The following ADGRL1 variants were observed in gnomAD, a reference collection of about 807,000 sequenced individuals.
ADGRL1 encodes adhesion G protein-coupled receptor L1, also known as CIRL-1.
Under a neutral mutation model 148.9 loss-of-function variants are expected in ADGRL1, and 31 were observed. That is an observed-to-expected ratio of 0.21 (90% CI 0.16 to 0.28). The LOEUF (loss-of-function observed/expected upper bound fraction) is 0.28. Among genes scored for constraint, ADGRL1 ranks in the 10% least tolerant of loss-of-function variants. ADGRL1 has a pLI of 1.00. For synonymous variants in ADGRL1, 937 were observed against 900.3 expected (o/e 1.04, Z -0.73); for missense variants, 1,521 against 2,058.8 (o/e 0.74, Z 5.05).
At chr19:14,186,477 C>A (rs368215654) in intron 1 of ADGRL1, among the ~76,000 whole-genome samples, 134 of 152,252 alleles carry the variant, frequency 8.8e-4, no homozygotes, top group African/African-American at 3.0e-3. Flanking sequence ...TCCCTGTCAT[C>A]CCCCTCACGG....
In ADGRL1 at chr19:14,164,163, G is replaced by A. The variant is rs540474784; in HGVS notation, c.395-757C>T. Among the ~76,000 whole-genome samples, 38 of 152,146 alleles carry A rather than the reference G, an allele frequency of 2.5e-4. No individual in the cohort carries two copies. The East Asian group carries it at 7.0e-3, about 28-fold the overall frequency. Reference sequence around the variant, plus strand: ...ATTCCCAGAGGCAGCTCCCAGGCTAGGACGGGGAATGAAAGAGTCTGGCCC... The same window carrying A: ...ATTCCCAGAGGCAGCTCCCAGGCTAAGACGGGGAATGAAAGAGTCTGGCCC... On this transcript the variant is annotated intron_variant, in intron 4 of 22. Transcript: ENST00000361434.
intron 18 of ADGRL1, among the ~76,000 whole-genome samples, chr19:14,154,264 G>T (rs1398000075): frequency 6.6e-6 from 1 of 152,154 alleles, no homozygotes; most frequent in Admixed American, 6.5e-5. Flanking sequence ...GGATTCTCAT[G>T]ATCACTGCCT....
intron 2 of ADGRL1, among the ~76,000 whole-genome samples, chr19:14,182,577 G>C (rs1457335425): frequency 2.0e-5 from 3 of 152,138 alleles, no homozygotes; most frequent in Non-Finnish European, 1.5e-5. Flanking sequence ...GAGTCCCAGC[G>C]GGGGGAACAT....
chr19:14,165,018 G>A (rs181235608), intron 4 of ADGRL1, among the ~76,000 whole-genome samples: 1 of 152,200 alleles, frequency 6.6e-6, no homozygotes, highest in African/African-American at 2.4e-5. Flanking sequence ...GGGATCGGGG[G>A]GCTGGGACCT....
At position 14,150,043 on chromosome 19, in the gene ADGRL1, G is replaced by A. The variant is rs937918758; in HGVS notation, c.*830C>T. ...CCCCCTAGGGAAAGATCCAAGCCCA[G>A]GACCCACTCCCCAGGGAGATCCAGA... On this transcript the variant is annotated 3_prime_UTR_variant, in exon 23 of 23. Transcript: ENST00000361434. 1.3e-5 allele frequency: 2 copies of A among 151,372 alleles called. No homozygotes were observed. Among genetic ancestry groups the A allele is most frequent in the Non-Finnish European group, 2.9e-5 (2 of 68,010 alleles). 9.4% of individuals were successfully genotyped at this position (151,372 alleles called of 1,614,324 possible).
intron 1 of ADGRL1, among the ~76,000 whole-genome samples, chr19:14,201,250 C>T (rs1475031242): frequency 2.1e-5 from 3 of 145,440 alleles, no homozygotes; most frequent in East Asian, 2.0e-4. Flanking sequence ...TTGTGACCTG[C>T]AGGGTATTTT....
At position 14,159,408 on chromosome 19, in the gene ADGRL1, C is replaced by A; in HGVS notation, c.2016G>T (p.Glu672Asp). 6.2e-7 allele frequency: 1 copy of A among 1,608,584 alleles called. No individual in the cohort carries two copies. The highest frequency in any genetic ancestry group is 8.5e-7 in the Non-Finnish European group (1 of 1,176,622). ...GGTGACTGTGGCACTCACCCACGTT[C>A]TCCTTGGCAGCCAGGAAGCGGGCAG... ...REPARFLAAK[E>D]NVVLEVTVLN... is the part of the protein sequence containing the mutation. Residue 672 changes from glutamate (E) to aspartate (D), a missense_variant, in exon 10 of 23, where the codon GAG (glutamate) becomes GAT (aspartate). Glu to Asp is a conservative substitution (Grantham distance 45). Around this residue, in one of 8 missense-constraint regions of ADGRL1, gnomAD observed 265 missense variants for 431.9 expected, o/e 0.61. Transcript: ENST00000361434. This position sits in a 1 kb window ranked among gnomAD's most constrained non-coding sequence, Gnocchi z 6.0.
In ADGRL1 at chr19:14,150,785, G is replaced by A. The variant is rs1968080591; in HGVS notation, c.*88C>T. ...TGGAGAGAGTGGCCCACCAGCCACTGCCTCCATCTGTCTCCCTCTCCCACC... is the reference window on the plus strand; with the variant it reads ...TGGAGAGAGTGGCCCACCAGCCACTACCTCCATCTGTCTCCCTCTCCCACC... On this transcript the variant is annotated 3_prime_UTR_variant, in exon 23 of 23. Transcript: ENST00000361434. 1 of 1,482,714 alleles carries A rather than the reference G, an allele frequency of 6.7e-7. No individual in the cohort carries two copies. Among genetic ancestry groups the A allele is most frequent in the South Asian group, 1.3e-5 (1 of 79,606 alleles). The allele number at this position is 1,482,714 out of a possible 1,614,324, so 91.8% of individuals were successfully genotyped here.
chr19:14,167,330 A>C (rs1568595316), intron 4 of ADGRL1, among the ~76,000 whole-genome samples: 1 of 142,868 alleles, frequency 7.0e-6, no homozygotes, highest in Non-Finnish European at 1.5e-5. Flanking sequence ...CAGGGGTGGT[A>C]GGGGGGTACA....
At chr19:14,203,213 C>G (rs1972731128) in intron 1 of ADGRL1, among the ~76,000 whole-genome samples, 1 of 152,198 alleles carries the variant, frequency 6.6e-6, no homozygotes, top group Admixed American at 6.5e-5. Flanking sequence ...CACAGAGGGG[C>G]TGGAGGAGGG....
chr19:14,163,628 C>T (rs1969669321), intron 4 of ADGRL1, among the ~76,000 whole-genome samples: 2 of 152,134 alleles, frequency 1.3e-5, no homozygotes, highest in Admixed American at 1.3e-4. Flanking sequence ...CGACCCCCTC[C>T]CCACGCCCTG....
chr19:14,168,494 T>A (rs1054305841), intron 4 of ADGRL1, among the ~76,000 whole-genome samples: 1 of 152,084 alleles, frequency 6.6e-6, no homozygotes, highest in African/African-American at 2.4e-5. Flanking sequence ...CTCTCTTCCA[T>A]CAGACAGGCA....
At chr19:14,183,203 G>GAGAGAGAGAGAC (rs1971325412) in intron 2 of ADGRL1, among the ~76,000 whole-genome samples, 1 of 149,502 alleles carries the variant, frequency 6.7e-6, no homozygotes, top group Admixed American at 6.7e-5. Flanking sequence ...CAGAGAGAGA[G>GAGAGAGAGAGAC]AGAGAGAGAG....
chr19:14,160,826 G>A lies in ADGRL1; in HGVS notation c.1511-130C>T, dbSNP rs1009537945. On this transcript the variant is annotated intron_variant, in intron 6 of 22. Coordinates refer to ENST00000361434, the MANE Select transcript of ADGRL1 (RefSeq NM_014921.5). The surrounding 1 kb of genome is among the most constrained non-coding windows in gnomAD (Gnocchi z 5.9). ...GCGAAGAGGGAGGTGAGGGAAACAC[G>A]GAGAAACAGACATGAAGCGGGCTGG... is the stretch of plus-strand genomic sequence containing the variant. 49 of 694,704 alleles carry A rather than the reference G, an allele frequency of 7.1e-5. No homozygotes were observed. The highest frequency in any genetic ancestry group is 1.1e-4 in the Non-Finnish European group (41 of 381,242). 43.0% of individuals were successfully genotyped at this position (694,704 alleles called of 1,614,324 possible).
chr19:14,173,710 G>A (rs1217757035), intron 3 of ADGRL1, among the ~76,000 whole-genome samples: 4 of 152,108 alleles, frequency 2.6e-5, no homozygotes, highest in Non-Finnish European at 5.9e-5. Context: ...ACTTTGGGAG[G>A]CCAAGACTGG....
rs768157313 is a variant in ADGRL1 at position 14,183,622 on chromosome 19, T to A, written c.-20A>T. The stretch of plus-strand genomic sequence containing the variant: ...GGCCATGGTGGCAGCCGGGTGCGTG[T>A]CCGGAGCTCTCAGTGGCCTGTGCGG... On this transcript the variant is annotated 5_prime_UTR_variant, in exon 2 of 23. Coordinates refer to ENST00000361434, the MANE Select transcript of ADGRL1 (RefSeq NM_014921.5). The A allele has an allele frequency of 2.6e-6, 4 of 1,558,602 alleles. No homozygotes were observed. The South Asian group carries it at 3.5e-5, about 14-fold the overall frequency.
At chr19:14,184,080 C>T (rs1971407757) in intron 1 of ADGRL1, among the ~76,000 whole-genome samples, 1 of 152,190 alleles carries the variant, frequency 6.6e-6, no homozygotes, top group African/African-American at 2.4e-5. Context: ...AATGAGTGTC[C>T]TCCCAAGTGA....
chr19:14,203,714 C>A (rs1972769566), intron 1 of ADGRL1, among the ~76,000 whole-genome samples: 3 of 152,192 alleles, frequency 2.0e-5, no homozygotes, highest in Admixed American at 2.0e-4. Context: ...CCCCTCCCTG[C>A]AGGCTCCACA....
intron 1 of ADGRL1, among the ~76,000 whole-genome samples, chr19:14,190,152 T>G (rs568184291): frequency 6.6e-6 from 1 of 152,232 alleles, no homozygotes; most frequent in South Asian, 2.1e-4. Context: ...CTCAAACTCT[T>G]GAGCTCAAGC....
Sources: allele counts gnomAD v4.1 joint callset (sites outside exome capture counted in the v4.1 genomes callset), GRCh38; gene constraint gnomAD v4.1.1; regional missense constraint gnomAD v4.1.1; non-coding constraint Gnocchi (gnomAD v3.1); transcripts MANE v1.5; gene names NCBI Gene and HGNC (gene_info 2026-07-23, HGNC 2026-07-21).